RDH13: variants seen among roughly 807,000 people sequenced by gnomAD.
RDH13 encodes retinol dehydrogenase 13.
A neutral mutation model predicts 28.3 loss-of-function variants in RDH13; 35 were observed. The observed-to-expected ratio is 1.24, with a 90% confidence interval of 0.95 to 1.64. RDH13 has a LOEUF of 1.64. Among genes scored for constraint, RDH13 ranks in the 40% most tolerant of loss-of-function variants. The pLI is 0.00. For missense variants in RDH13, 514 were observed against 446.3 expected, an observed-to-expected ratio of 1.15 and a Z score of -1.37; for synonymous variants, 229 against 198.5, an observed-to-expected ratio of 1.15 and a Z score of -1.29.
At chr19:55,051,429 T>TC (rs2075429556) in intron 3 of RDH13, among the ~76,000 whole-genome samples, 1 of 149,684 alleles carries the variant, frequency 6.7e-6, no homozygotes. Context: ...TGGTTTTTTT[T>TC]CTTTTTTTTT....
rs550021898 is a variant in RDH13 at position 55,052,004 on chromosome 19, T to A, written c.341-3241A>T. ...ACCTCGGCCTCCCAAAGTGCTGGGA[T>A]TGCAGGCGTGGGCCACAGTGCCTGG... is the stretch of plus-strand genomic sequence containing the variant. On this transcript the variant is annotated intron_variant, in intron 3 of 6. Coordinates refer to ENST00000415061, the MANE Select transcript of RDH13 (RefSeq NM_001145971.2). Among the ~76,000 whole-genome samples the A allele has an allele frequency of 2.0e-5, 3 of 151,718 alleles. No individual in the cohort carries two copies. The South Asian group carries it at 6.3e-4, about 32-fold the overall frequency.
chr19:55,062,867 G>T (rs1404465522), intron 1 of RDH13, 101 bp downstream of exon 1: 3 of 1,064,814 alleles, frequency 2.8e-6, no homozygotes, highest in Non-Finnish European at 3.8e-6. Flanking sequence ...GGAGCTACGG[G>T]GCCTGGACCC....
At chr19:55,045,772 C>G (rs906264028) in intron 6 of RDH13, among the ~76,000 whole-genome samples, 1 of 151,080 alleles carries the variant, frequency 6.6e-6, no homozygotes, top group Non-Finnish European at 1.5e-5. Context: ...ATGGTGAAAC[C>G]CCATTTCTAC....
At chr19:55,045,420 C>A in intron 6 of RDH13, 111 bp from the exon 7 acceptor site, 1 of 759,708 alleles carries the variant, frequency 1.3e-6, no homozygotes, top group East Asian at 2.7e-5. Flanking sequence ...GAGCCCTCCT[C>A]TAGCCCTTTC....
chr19:55,050,010 C>T (rs1002858159), intron 3 of RDH13, among the ~76,000 whole-genome samples: 1 of 150,392 alleles, frequency 6.6e-6, no homozygotes, highest in African/African-American at 2.4e-5. Context: ...ATTTTTCAGA[C>T]ATGGTCTCAC....
chr19:55,049,270 GC>G (rs759974960), intron 3 of RDH13, among the ~76,000 whole-genome samples: 3 of 152,128 alleles, frequency 2.0e-5, no homozygotes, highest in Non-Finnish European at 4.4e-5. Context: ...TCCTGCCGGA[GC>G]CCCGAGGCCA....
chr19:55,043,784 C>T (rs1258541222), downstream of RDH13, among the ~76,000 whole-genome samples: 2 of 152,132 alleles, frequency 1.3e-5, no homozygotes, highest in Non-Finnish European at 2.9e-5. Flanking sequence ...CGGTTCTGCA[C>T]CTAAGCTAAG....
chr19:55,067,968 CCTCT>C (rs545490586), upstream of RDH13, among the ~76,000 whole-genome samples: 17 of 146,284 alleles, frequency 1.2e-4, no homozygotes, highest in African/African-American at 4.0e-4. Context: ...CTCCGTGTCT[CCTCT>C]CTCTCTCTTC....
chr19:55,045,278 G>A lies in RDH13; in HGVS notation c.792C>T (p.Pro264=), dbSNP rs200342088. The change falls in exon 7 of 7, where the codon CCC becomes CCT. Residue 264 remains proline (P), a synonymous_variant. Transcript: ENST00000415061. The part of the protein sequence containing the change: ...GPIFWLLVKS[P]ELAAQPSTYL... ...ATGTGCTGGGCTGGGCGGCCAGCTCGGGGCTCTTGACCAGCAGCCAGAAGA... is the reference window on the plus strand; with the variant it reads ...ATGTGCTGGGCTGGGCGGCCAGCTCAGGGCTCTTGACCAGCAGCCAGAAGA... 1,246 of 1,612,882 alleles carry A rather than the reference G, an allele frequency of 7.7e-4. 4 individuals carry two copies. Among genetic ancestry groups the A allele is most frequent in the Non-Finnish European group, 8.8e-4 (1,036 of 1,179,922 alleles).
upstream of RDH13, among the ~76,000 whole-genome samples, chr19:55,064,844 C>T (rs1427001852): frequency 1.3e-5 from 2 of 149,908 alleles, no homozygotes; most frequent in African/African-American, 2.4e-5. Flanking sequence ...AACTCCTGAC[C>T]TCAGGTGATC....
Position 55,059,195 on chromosome 19 carries a change from C to A in RDH13, c.146G>T (p.Gly49Val). 6.2e-7 allele frequency: 1 copy of A among 1,603,542 alleles called. No homozygotes were observed. The stretch of plus-strand genomic sequence containing the variant: ...TTCCAAGGCGGTCTGCTTCCCGATG[C>A]CTGTGTTGGCACCCGTCACGATGAC... Reference protein sequence around the residue: ...KTVIVTGANTGIGKQTALELA... With the variant: ...KTVIVTGANTVIGKQTALELA... The change falls in exon 2 of 7, where the codon GGC (glycine) becomes GTC (valine). Residue 49 changes from glycine (G) to valine (V), a missense_variant. Physicochemically the swap from Gly to Val is moderately radical, Grantham distance 109 (BLOSUM62 -3). Transcript: ENST00000415061.
At position 55,045,302 on chromosome 19, in the gene RDH13, G is replaced by C; in HGVS notation, c.768C>G (p.Ile256Met). Residue 256 changes from isoleucine (I) to methionine (M), a missense_variant, in exon 7 of 7, where the codon ATC (isoleucine) becomes ATG (methionine). Physicochemically the swap from Ile to Met is conservative, Grantham distance 10. Coordinates refer to ENST00000415061, the MANE Select transcript of RDH13 (RefSeq NM_001145971.2). ...STFSSTTLGP[I>M]FWLLVKSPEL... ...CGGGGCTCTTGACCAGCAGCCAGAA[G>C]ATGGGCCCTGCAATCAGCCCACAGG... 1 of 1,611,674 alleles carries C rather than the reference G, an allele frequency of 6.2e-7. No individual in the cohort carries two copies. The highest frequency in any genetic ancestry group is 8.5e-7 in the Non-Finnish European group (1 of 1,179,458).
At chr19:55,062,265 G>T (rs1671169) in intron 1 of RDH13, among the ~76,000 whole-genome samples, 30 of 151,984 alleles carry the variant, frequency 2.0e-4, no homozygotes, top group Non-Finnish European at 3.5e-4. Context: ...AGAGGCTAAC[G>T]CTGGCAACAA....
At chr19:55,046,135 A>G (rs2075222584) in intron 6 of RDH13, among the ~76,000 whole-genome samples, 1 of 148,316 alleles carries the variant, frequency 6.7e-6, no homozygotes, top group African/African-American at 2.5e-5. Context: ...AATCTCAGCT[A>G]CTTTGGGAGG....
Position 55,048,782 on chromosome 19 carries a change from G to C in RDH13, c.341-19C>G. 1 of 1,602,452 alleles carries C rather than the reference G, an allele frequency of 6.2e-7. No homozygotes were observed. The highest frequency in any genetic ancestry group is 2.2e-5 in the East Asian group (1 of 44,746). On this transcript the variant is annotated intron_variant, in intron 3 of 6. Transcript: ENST00000415061. ...TCCTCCTCTGGAAGAGAGGGGTGGA[G>C]GAGGAGACATCCCGGTGAGGACAGA...
Position 55,059,151 on chromosome 19 carries a change from T to C in RDH13, c.184+6A>G. 6.4e-7 allele frequency: 1 copy of C among 1,554,932 alleles called. No individual in the cohort carries two copies. The highest frequency in any genetic ancestry group is 8.8e-7 in the Non-Finnish European group (1 of 1,138,944). On this transcript the variant is annotated splice_donor_region_variant and intron_variant, in intron 2 of 6. Coordinates refer to ENST00000415061, the MANE Select transcript of RDH13 (RefSeq NM_001145971.2). Reference sequence around the variant, plus strand: ...TCTCTGAGAGCCAAAGCAGGGGAGATTTTACCTCTCCTGGCCAGTTCCAAG... The same window carrying C: ...TCTCTGAGAGCCAAAGCAGGGGAGACTTTACCTCTCCTGGCCAGTTCCAAG...
downstream of RDH13, chr19:55,042,206 C>G (rs1193105322): frequency 6.6e-6 from 1 of 150,628 alleles, no homozygotes; most frequent in East Asian, 2.0e-4. Flanking sequence ...GCTCATTTAT[C>G]AAACTCAAAC....
downstream of RDH13, chr19:55,044,041 C>G (rs60258147): frequency 6.6e-6 from 1 of 151,534 alleles, no homozygotes; most frequent in Non-Finnish European, 1.5e-5. Context: ...CTCAGCCTCC[C>G]GAGTAGCTGG....
intron 3 of RDH13, among the ~76,000 whole-genome samples, chr19:55,055,016 AAGAAT>A (rs2075585274): frequency 6.6e-6 from 1 of 152,206 alleles, no homozygotes; most frequent in Admixed American, 6.5e-5. Flanking sequence ...AAAGATGAAC[AAGAAT>A]AGAAAAGCTA....
Sources: gnomAD v4.1 joint callset for allele counts (sites outside exome capture counted in the v4.1 genomes callset) on GRCh38, gnomAD v4.1.1 for gene constraint, MANE v1.5 for transcripts, NCBI Gene and HGNC (gene_info 2026-07-23, HGNC 2026-07-21) for gene names.